GKN2: variants seen among roughly 807,000 people sequenced by gnomAD.
GKN2 encodes gastrokine-2.
A neutral mutation model predicts 22.7 loss-of-function variants in GKN2; 17 were observed. That is an observed-to-expected ratio of 0.75 (90% confidence interval 0.51 to 1.13). The LOEUF (loss-of-function observed/expected upper bound fraction) is 1.13, where lower values mean the gene tolerates loss of function less well. Ranked by LOEUF, GKN2 falls within the 50% of genes most tolerant of loss-of-function variation. GKN2 has a pLI of 0.00. For synonymous variants in GKN2, 82 were observed against 79.6 expected, an observed-to-expected ratio of 1.03 and a Z score of -0.16; for missense variants, 248 against 221.4, an observed-to-expected ratio of 1.12 and a Z score of -0.76.
intron 2 of GKN2, 103 bp downstream of exon 2, chr2:68,950,599 C>T (rs1669841161): frequency 1.0e-6 from 1 of 986,512 alleles, no homozygotes; most frequent in Non-Finnish European, 1.6e-6. Flanking sequence ...GATTCCATCC[C>T]AAATAAGGCA....
At chr2:68,951,424 G>C (rs1226728350) in intron 1 of GKN2, among the ~76,000 whole-genome samples, 1 of 152,206 alleles carries the variant, frequency 6.6e-6, no homozygotes, top group Non-Finnish European at 1.5e-5. Context: ...CTGTAGTTCT[G>C]TAAGAGTCTG....
intron 2 of GKN2, 122 bp from the exon 3 acceptor site, chr2:68,950,385 C>G: frequency 1.1e-6 from 1 of 938,972 alleles, no homozygotes; most frequent in Non-Finnish European, 1.6e-6. Flanking sequence ...AAACTGTCCA[C>G]TGGGGTCCCA....
In GKN2 at chr2:68,950,701, C is replaced by T. The variant is rs998198895; in HGVS notation, c.66+1G>A. On this transcript the variant is annotated splice_donor_variant, in intron 2 of 5. Coordinates refer to ENST00000328895, the MANE Select transcript of GKN2 (RefSeq NM_182536.3). LOFTEE classifies it high-confidence loss of function. ...ATAAAGTCCATAAGGAACCAACTCACCTCGTATCCATGAGATTGTATCCCA... is the reference window on the plus strand; with the variant it reads ...ATAAAGTCCATAAGGAACCAACTCATCTCGTATCCATGAGATTGTATCCCA... 2.5e-6 allele frequency: 4 copies of T among 1,613,836 alleles called. No individual in the cohort carries two copies. The highest frequency in any genetic ancestry group is 2.2e-5 in the East Asian group (1 of 44,902).
chr2:68,946,303 C>T lies in GKN2; in HGVS notation c.472+1G>A, dbSNP rs761999176. 4.4e-6 allele frequency: 7 copies of T among 1,604,882 alleles called. No individual in the cohort carries two copies. Among genetic ancestry groups the T allele is most frequent in the African/African-American group, 2.7e-5 (2 of 74,570 alleles). ...TGAGTGAATGACTTATTGGTACTCACGTGTGTTTTCAACCACTTCCCCCTT... is the reference window on the plus strand; with the variant it reads ...TGAGTGAATGACTTATTGGTACTCATGTGTGTTTTCAACCACTTCCCCCTT... On this transcript the variant is annotated splice_donor_variant, in intron 5 of 5. Transcript: ENST00000328895. LOFTEE classifies it high-confidence loss of function.
At chr2:68,950,628 T>C (rs184946331) in intron 2 of GKN2, 74 bp downstream of exon 2, 567 of 1,346,456 alleles carry the variant, frequency 4.2e-4, no homozygotes, top group Admixed American at 5.6e-4. Flanking sequence ...CTCTACTGTC[T>C]TCAGGCTCTC....
intron 5 of GKN2, chr2:68,945,923 C>A: frequency 3.6e-6 from 1 of 276,142 alleles, no homozygotes; most frequent in Non-Finnish European, 6.7e-6. Flanking sequence ...GAGAGCATTT[C>A]TTAGTGACTT....
At position 68,945,321 on chromosome 2, in the gene GKN2, C is replaced by A; in HGVS notation, c.*47G>T. 7.3e-7 allele frequency: 1 copy of A among 1,360,738 alleles called. No individual in the cohort carries two copies. Among genetic ancestry groups the A allele is most frequent in the South Asian group, 1.4e-5 (1 of 72,200 alleles). The allele number at this position is 1,360,738 out of a possible 1,614,324, so 84.3% of individuals were successfully genotyped here. ...ATTTAATTTGACTTTTGAGTGTAAACCAAGGATGTATTTCTTTGAAAAGAT... is the reference window on the plus strand; with the variant it reads ...ATTTAATTTGACTTTTGAGTGTAAAACAAGGATGTATTTCTTTGAAAAGAT... On this transcript the variant is annotated 3_prime_UTR_variant, in exon 6 of 6. Transcript: ENST00000328895.
chr2:68,950,198 A>T lies in GKN2; in HGVS notation c.132T>A (p.Asn44Lys), dbSNP rs1483738147. 1.2e-6 allele frequency: 2 copies of T among 1,613,898 alleles called. No individual in the cohort carries two copies. The highest frequency in any genetic ancestry group is 1.7e-5 in the Admixed American group (1 of 60,022). Residue 44 changes from asparagine (N) to lysine (K), a missense_variant, in exon 3 of 6, where the codon AAT becomes AAA. By Grantham distance (94) the Asn-to-Lys change is moderately conservative (BLOSUM62 0). Transcript: ENST00000328895. The stretch of plus-strand genomic sequence containing the variant: ...TGTTAATGATGGCGGTATTTTTTTC[A>T]TTATCAATTGTCACTGTCTCCTGAA... ...GNVQETVTID[N>K]EKNTAIINIH...
At position 68,945,301 on chromosome 2, in the gene GKN2, A is replaced by G. The variant is rs951271540; in HGVS notation, c.*67T>C. On this transcript the variant is annotated 3_prime_UTR_variant, in exon 6 of 6. Coordinates refer to ENST00000328895, the MANE Select transcript of GKN2 (RefSeq NM_182536.3). ...AGTTGGGGCATTGGGAAAGAATTTA[A>G]TTTGACTTTTGAGTGTAAACCAAGG... is the stretch of plus-strand genomic sequence containing the variant. The G allele has an allele frequency of 3.4e-6, 4 of 1,173,450 alleles. No individual in the cohort carries two copies. Among genetic ancestry groups the G allele is most frequent in the African/African-American group, 3.1e-5 (2 of 65,382 alleles). The allele number at this position is 1,173,450 out of a possible 1,614,324, so 72.7% of individuals were successfully genotyped here.
chr2:68,946,388 C>T lies in GKN2; in HGVS notation c.388G>A (p.Val130Met), dbSNP rs146849599. The T allele has an allele frequency of 9.3e-4, 1,499 of 1,613,946 alleles. 20 individuals carry two copies. In the East Asian group the frequency reaches 0.027, roughly 29 times the overall value. Residue 130 changes from valine (V) to methionine (M), a missense_variant, in exon 5 of 6, where the codon GTG becomes ATG. Val to Met is a conservative substitution (Grantham distance 21, BLOSUM62 1). Transcript: ENST00000328895. Reference protein sequence around the residue: ...YNPLESLIKDVDWFLLGSPIE... With the variant: ...YNPLESLIKDMDWFLLGSPIE... ...GGTGACCCAAGCAGGAACCAATCCA[C>T]GTCTTTGATCAGAGACTCCAGAGGG...
In GKN2 at chr2:68,946,333, A is replaced by G. The variant is rs777738057; in HGVS notation, c.443T>C (p.Leu148Ser). Reference protein sequence around the residue: ...PIEKLCKHIPLYKGEVVENTH... With the variant: ...PIEKLCKHIPSYKGEVVENTH... ...GTTTTCAACCACTTCCCCCTTATAC[A>G]AAGGGATATGTTTGCAGAGTTTCTC... Residue 148 changes from leucine to serine, a missense_variant, in exon 5 of 6, where the codon TTG becomes TCG. Leu to Ser is a moderately radical substitution (Grantham distance 145, BLOSUM62 -2). Transcript: ENST00000328895. 1 of 1,611,900 alleles carries G rather than the reference A, an allele frequency of 6.2e-7. No homozygotes were observed. Among genetic ancestry groups the G allele is most frequent in the South Asian group, 1.1e-5 (1 of 90,382 alleles).
chr2:68,952,152 G>A (rs1011794240), intron 1 of GKN2, among the ~76,000 whole-genome samples: 3 of 152,224 alleles, frequency 2.0e-5, no homozygotes, highest in South Asian at 2.1e-4. Context: ...GGATCAGATG[G>A]AGGGGTGGAG....
At chr2:68,946,575 G>T in intron 4 of GKN2, 115 bp from the exon 5 acceptor site, 1 of 817,762 alleles carries the variant, frequency 1.2e-6, no homozygotes, top group Non-Finnish European at 1.8e-6. Flanking sequence ...AAGAACTTAG[G>T]GATCTCAAGA....
chr2:68,947,791 T>C (rs1226890179), intron 3 of GKN2, among the ~76,000 whole-genome samples: 1 of 152,092 alleles, frequency 6.6e-6, no homozygotes, highest in Non-Finnish European at 1.5e-5. Flanking sequence ...AGTTTCACCA[T>C]ATTAGCCAGG....
At chr2:68,946,024 G>T in intron 5 of GKN2, 1 of 411,356 alleles carries the variant, frequency 2.4e-6, no homozygotes. Flanking sequence ...TACAAGAATC[G>T]AGTAGTTTTT....
Position 68,945,260 on chromosome 2 carries a change from A to G in GKN2, c.*108T>C. The G allele has an allele frequency of 1.3e-6, 1 of 787,306 alleles. No homozygotes were observed. The highest frequency in any genetic ancestry group is 2.0e-6 in the Non-Finnish European group (1 of 490,214). 48.8% of individuals were successfully genotyped at this position (787,306 alleles called of 1,614,324 possible). ...ATAAATACAGCATTTATATTTTCTG[A>G]CTGAATCTCAAAATTAGTTGGGGCA... On this transcript the variant is annotated 3_prime_UTR_variant, in exon 6 of 6. Coordinates refer to ENST00000328895, the MANE Select transcript of GKN2 (RefSeq NM_182536.3).
chr2:68,950,555 C>T, intron 2 of GKN2, 147 bp downstream of exon 2: 1 of 742,472 alleles, frequency 1.3e-6, no homozygotes, highest in Non-Finnish European at 2.3e-6. Context: ...GAGGAATAGC[C>T]AAGCTCATTA....
chr2:68,952,885 G>T lies in GKN2; in HGVS notation c.-24C>A. On this transcript the variant is annotated 5_prime_UTR_variant, in exon 1 of 6. Transcript: ENST00000328895. ...ATTTTGCCTGGGAGAGGAAGGTGCTGGAGTAAGTAAAGCTGCCCTGTGCAG... is the reference window on the plus strand; with the variant it reads ...ATTTTGCCTGGGAGAGGAAGGTGCTTGAGTAAGTAAAGCTGCCCTGTGCAG... The T allele has an allele frequency of 6.2e-7, 1 of 1,613,470 alleles. No individual in the cohort carries two copies.
chr2:68,950,412 T>C (rs1669839040), intron 2 of GKN2, 149 bp from the exon 3 acceptor site: 1 of 748,050 alleles, frequency 1.3e-6, no homozygotes, highest in Non-Finnish European at 2.1e-6. Context: ...AAACTTATGA[T>C]GCCATAAGAA....
Sources: gnomAD v4.1 joint callset for allele counts (sites outside exome capture counted in the v4.1 genomes callset) on GRCh38, gnomAD v4.1.1 for gene constraint, MANE v1.5 for transcripts, NCBI Gene and HGNC (gene_info 2026-07-23, HGNC 2026-07-21) for gene names.